GOLM2: variants seen among roughly 807,000 people sequenced by gnomAD.
GOLM2 encodes the protein protein GOLM2.
A neutral mutation model predicts 55.9 loss-of-function variants in GOLM2; 26 were observed. The ratio of observed to expected loss-of-function variants is 0.47; its 90% CI spans 0.34 to 0.65. The LOEUF (loss-of-function observed/expected upper bound fraction) is 0.65. Ranked by LOEUF, GOLM2 falls within the 30% of genes least tolerant of loss-of-function variation. The probability of loss-of-function intolerance (pLI) is 0.01; values close to 1 mark genes in which losing one functional copy is unlikely to be tolerated. For synonymous variants in GOLM2, 165 were observed against 194.6 expected, an observed-to-expected ratio of 0.85 and a Z score of 1.27; for missense variants, 486 against 531.8, an observed-to-expected ratio of 0.91 and a Z score of 0.85.
intron 6 of GOLM2, among the ~76,000 whole-genome samples, chr15:44,344,987 T>C (rs1283430708): frequency 2.0e-5 from 3 of 151,214 alleles, no homozygotes; most frequent in Non-Finnish European, 2.9e-5. Context: ...TTTCTTTTTT[T>C]TTTTTAATAC....
intron 2 of GOLM2, among the ~76,000 whole-genome samples, chr15:44,327,398 G>A (rs1009857728): frequency 2.0e-5 from 3 of 151,814 alleles, no homozygotes; most frequent in Admixed American, 6.6e-5. Flanking sequence ...ATAAATACAC[G>A]TATATATCTA....
intron 8 of GOLM2, among the ~76,000 whole-genome samples, chr15:44,398,998 C>T (rs1473965277): frequency 6.6e-6 from 1 of 152,066 alleles, no homozygotes; most frequent in South Asian, 2.1e-4. Flanking sequence ...CTTGTTCAAA[C>T]TTACTCTAAC....
intron 8 of GOLM2, 95 bp downstream of exon 8, chr15:44,381,071 G>A: frequency 1.4e-6 from 1 of 714,308 alleles, no homozygotes; most frequent in East Asian, 3.3e-5. Context: ...TAAATGTATA[G>A]TGAAGTTATA....
At chr15:44,314,041 T>C (rs777820192) in intron 1 of GOLM2, among the ~76,000 whole-genome samples, 35 of 152,008 alleles carry the variant, frequency 2.3e-4, no homozygotes, top group Non-Finnish European at 4.7e-4. Flanking sequence ...ATTGAGACCA[T>C]CTTGGCTAAC....
intron 6 of GOLM2, among the ~76,000 whole-genome samples, chr15:44,343,316 G>GAAA (rs200034292): frequency 1.2e-4 from 13 of 105,272 alleles, no homozygotes; most frequent in African/African-American, 3.9e-4. Context: ...CTGGAAGACA[G>GAAA]AAAAAAAAAA....
chr15:44,318,912 A>T (rs2078930682), intron 1 of GOLM2, among the ~76,000 whole-genome samples: 1 of 152,046 alleles, frequency 6.6e-6, no homozygotes, highest in East Asian at 1.9e-4. Context: ...TAATTCCTAG[A>T]ATGTTAAGTG....
chr15:44,293,523 T>A (rs1238977331), intron 1 of GOLM2, among the ~76,000 whole-genome samples: 1 of 152,206 alleles, frequency 6.6e-6, no homozygotes, highest in African/African-American at 2.4e-5. Flanking sequence ...TTCTTGTTTT[T>A]GATAATCTTG....
At chr15:44,407,791 G>A (rs549496137) in intron 9 of GOLM2, among the ~76,000 whole-genome samples, 42 of 135,880 alleles carry the variant, frequency 3.1e-4, no homozygotes, top group Admixed American at 1.4e-3. Context: ...TTTTTTTGTC[G>A]CCCAGGCTGG....
At chr15:44,358,456 G>A (rs1213795469) in intron 6 of GOLM2, among the ~76,000 whole-genome samples, 2 of 152,118 alleles carry the variant, frequency 1.3e-5, no homozygotes, top group African/African-American at 2.4e-5. Context: ...ACTCGACCTC[G>A]AGACTTAATA....
In GOLM2 at chr15:44,289,329, C is replaced by T; in HGVS notation, c.300C>T (p.Gly100=). 6.2e-7 allele frequency: 1 copy of T among 1,613,000 alleles called. No homozygotes were observed. The highest frequency in any genetic ancestry group is 8.5e-7 in the Non-Finnish European group (1 of 1,179,620). The change falls in exon 1 of 10, where the codon GGC becomes GGT. Residue 100 remains glycine (G), a synonymous_variant. Coordinates refer to ENST00000299957, the MANE Select transcript of GOLM2 (RefSeq NM_138423.4). This position sits in a 1 kb window ranked among gnomAD's most constrained non-coding sequence, Gnocchi z 4.8. ...GCAGCCGGCTGCAGGCCAGAGAGGG[C>T]CTCGGGAAGAGATGCGAGGATGACA... The part of the protein sequence containing the change: ...RLSSRLQARE[G]LGKRCEDDKV...
chr15:44,332,502 A>G (rs1338171255), intron 4 of GOLM2, among the ~76,000 whole-genome samples: 2 of 151,914 alleles, frequency 1.3e-5, no homozygotes, highest in African/African-American at 2.4e-5. Flanking sequence ...GGAGGTTACA[A>G]TGAGCCAAGA....
At chr15:44,313,292 A>C (rs1008287212) in intron 1 of GOLM2, among the ~76,000 whole-genome samples, 1 of 152,202 alleles carries the variant, frequency 6.6e-6, no homozygotes, top group Non-Finnish European at 1.5e-5. Flanking sequence ...CTTTCCAGGA[A>C]AATTTCTTGA....
intron 6 of GOLM2, among the ~76,000 whole-genome samples, chr15:44,347,471 C>T (rs1254335374): frequency 6.6e-6 from 1 of 152,130 alleles, no homozygotes; most frequent in Non-Finnish European, 1.5e-5. Context: ...CAACACTGAG[C>T]AGAACTCAGC....
chr15:44,299,299 T>C (rs59859293), intron 1 of GOLM2, among the ~76,000 whole-genome samples: 2 of 141,392 alleles, frequency 1.4e-5, no homozygotes, highest in African/African-American at 5.5e-5. Flanking sequence ...ATTGTTTTTG[T>C]TTTTTTTTTT....
chr15:44,341,515 G>A (rs1470190919), intron 6 of GOLM2, among the ~76,000 whole-genome samples: 3 of 151,986 alleles, frequency 2.0e-5, no homozygotes, highest in African/African-American at 4.8e-5. Context: ...AAATGAAATG[G>A]GAATACAAGA....
chr15:44,351,789 A>C (rs979492131), intron 6 of GOLM2, among the ~76,000 whole-genome samples: 1 of 152,142 alleles, frequency 6.6e-6, no homozygotes, highest in African/African-American at 2.4e-5. Context: ...AACAGCGAAT[A>C]ATCTGAAAAA....
In GOLM2 at chr15:44,400,133, C is replaced by A. The variant is rs975626998; in HGVS notation, c.1073-2754C>A. Among the ~76,000 whole-genome samples, 31 of 151,968 alleles carry A rather than the reference C, an allele frequency of 2.0e-4. 1 individual carries two copies. The highest frequency in any genetic ancestry group is 7.4e-5 in the Non-Finnish European group (5 of 67,994). ...GGAGACACTGTTTTCTTACAAATAG[C>A]CTACCTATTCTCTTGTATGTTTCTT... On this transcript the variant is annotated intron_variant, in intron 8 of 9. Coordinates refer to ENST00000299957, the MANE Select transcript of GOLM2 (RefSeq NM_138423.4).
intron 8 of GOLM2, among the ~76,000 whole-genome samples, chr15:44,399,110 A>G (rs1480747521): frequency 1.3e-5 from 2 of 152,090 alleles, no homozygotes; most frequent in Non-Finnish European, 2.9e-5. Context: ...TCCCTGTCAT[A>G]GTCTAATATA....
chr15:44,296,337 T>C (rs1031275612), intron 1 of GOLM2, among the ~76,000 whole-genome samples: 5 of 151,816 alleles, frequency 3.3e-5, no homozygotes, highest in African/African-American at 1.2e-4. Context: ...TCCTCAAAAT[T>C]GTCGTTTTAT....
Sources: gnomAD v4.1 joint callset for allele counts (sites outside exome capture counted in the v4.1 genomes callset) on GRCh38, gnomAD v4.1.1 for gene constraint, Gnocchi (gnomAD v3.1) non-coding constraint, MANE v1.5 for transcripts, NCBI Gene and HGNC (gene_info 2026-07-23, HGNC 2026-07-21) for gene names.